The following SKA1 variants were observed in gnomAD, a reference collection of about 807,000 sequenced individuals.
The protein encoded by SKA1 is spindle and kinetochore associated complex subunit 1, also known as SKA complex subunit 1.
In SKA1, 20 loss-of-function variants were observed where a neutral mutation model predicts 31.8. The observed-to-expected ratio is 0.63, with a 90% CI of 0.44 to 0.91. The LOEUF (loss-of-function observed/expected upper bound fraction) is 0.91, where lower values mean the gene tolerates loss of function less well. SKA1 is among the 40% of genes least tolerant of loss of function. The pLI is 0.00. For missense variants in SKA1, 253 were observed against 298.2 expected (o/e 0.85, Z 1.12); for synonymous variants, 88 against 100.5 (o/e 0.88, Z 0.74).
At chr18:50,385,146 T>G in intron 4 of SKA1, 70 bp from the exon 5 acceptor site, 2 of 1,275,906 alleles carry the variant, frequency 1.6e-6, no homozygotes, top group Non-Finnish European at 2.1e-6. Context: ...TTATTTTCAG[T>G]TGGGAAAACT....
intron 5 of SKA1, among the ~76,000 whole-genome samples, chr18:50,390,216 G>GT (rs1174245628): frequency 6.6e-6 from 1 of 151,892 alleles, no homozygotes. Flanking sequence ...GAAAATGAGT[G>GT]TTTTTTTGGA....
chr18:50,382,280 A>T, intron 4 of SKA1, 54 bp downstream of exon 4: 2 of 1,092,656 alleles, frequency 1.8e-6, no homozygotes, highest in South Asian at 3.6e-5. Flanking sequence ...CCATGAAAAC[A>T]AGTTCTTCAA....
intron 6 of SKA1, 85 bp downstream of exon 6, chr18:50,391,378 TC>T: frequency 8.0e-7 from 1 of 1,247,734 alleles, no homozygotes; most frequent in African/African-American, 1.6e-5. Flanking sequence ...TCTAGAAAAT[TC>T]TAAATCTAGA....
At chr18:50,391,997 C>A (rs1208995786) in intron 6 of SKA1, 102 bp from the exon 7 acceptor site, 1 of 809,586 alleles carries the variant, frequency 1.2e-6, no homozygotes, top group East Asian at 2.8e-5. Context: ...TGGATACTAA[C>A]AGTAAAAACG....
chr18:50,380,915 C>T (rs1270439107), intron 3 of SKA1, among the ~76,000 whole-genome samples: 1 of 152,200 alleles, frequency 6.6e-6, no homozygotes, highest in Non-Finnish European at 1.5e-5. Context: ...AACAAGGGAC[C>T]TCCCTGACCC....
chr18:50,378,836 C>G (rs9951306), intron 2 of SKA1, among the ~76,000 whole-genome samples: 109,821 of 152,088 alleles, frequency 0.72, 39,785 homozygotes, highest in East Asian at 0.81. Context: ...ATTAGTTTTA[C>G]TTGTTATGAG....
At chr18:50,384,871 T>TAAAAAAAAAAAAAAAAAAAGAAAAAAA (rs2041292849) in intron 4 of SKA1, among the ~76,000 whole-genome samples, 1 of 82,600 alleles carries the variant, frequency 1.2e-5, no homozygotes, top group African/African-American at 5.5e-5. Flanking sequence ...AAAAAAAAAT[T>TAAAAAAAAAAAAAAAAAAAGAAAAAAA]AAAAAAAAAA....
intron 5 of SKA1, among the ~76,000 whole-genome samples, chr18:50,385,719 C>T (rs906627808): frequency 2.7e-4 from 41 of 152,108 alleles, no homozygotes; most frequent in African/African-American, 9.9e-4. Context: ...TCCGTTTGTG[C>T]ATTGCACCCC....
intron 5 of SKA1, among the ~76,000 whole-genome samples, chr18:50,390,891 C>A (rs1186310441): frequency 2.0e-5 from 3 of 152,180 alleles, no homozygotes; most frequent in Non-Finnish European, 2.9e-5. Context: ...AATATCAGTT[C>A]TCCATAGGTA....
In SKA1 at chr18:50,393,842, A is replaced by G. The variant is rs1032876677; in HGVS notation, c.*1595A>G. ...TTGATGGGCACCTGGATAACTCAGG[A>G]TGGGGGCTGCTCACAAAGACCACAT... On this transcript the variant is annotated 3_prime_UTR_variant, in exon 7 of 7. Coordinates refer to ENST00000285116, the MANE Select transcript of SKA1 (RefSeq NM_145060.4). 6.6e-6 allele frequency: 1 copy of G among 152,180 alleles called. No individual in the cohort carries two copies. The highest frequency in any genetic ancestry group is 1.5e-5 in the Non-Finnish European group (1 of 68,034). The allele number at this position is 152,180 out of a possible 1,614,324, so 9.4% of individuals were successfully genotyped here. A position where few individuals can be genotyped will look rare whatever the true frequency, so the allele number is the denominator to read the frequency against.
intron 5 of SKA1, among the ~76,000 whole-genome samples, chr18:50,390,197 A>G (rs1158135334): frequency 1.3e-5 from 2 of 152,164 alleles, no homozygotes. Flanking sequence ...TAGAAAAGAG[A>G]GGAATAATGA....
At chr18:50,390,133 T>A (rs1346249337) in intron 5 of SKA1, among the ~76,000 whole-genome samples, 1 of 152,042 alleles carries the variant, frequency 6.6e-6, no homozygotes, top group African/African-American at 2.4e-5. Context: ...AGAGCTGGGG[T>A]ATAAGAGTTT....
At chr18:50,378,864 G>T (rs1457627398) in intron 2 of SKA1, among the ~76,000 whole-genome samples, 1 of 147,050 alleles carries the variant, frequency 6.8e-6, no homozygotes, top group Non-Finnish European at 1.5e-5. Context: ...TCAAATGCAA[G>T]TAGTGTTGCT....
intron 2 of SKA1, among the ~76,000 whole-genome samples, chr18:50,378,897 C>T (rs2041242311): frequency 6.6e-6 from 1 of 151,734 alleles, no homozygotes; most frequent in South Asian, 2.1e-4. Context: ...ATGATATACT[C>T]ATGATGATGA....
chr18:50,384,871 T>TTA (rs2041291752), intron 4 of SKA1, among the ~76,000 whole-genome samples: 5 of 82,600 alleles, frequency 6.1e-5, no homozygotes, highest in Non-Finnish European at 1.1e-4. Context: ...AAAAAAAAAT[T>TTA]AAAAAAAAAA....
chr18:50,375,906 T>C lies in SKA1; in HGVS notation c.76T>C (p.Leu26=). 6.3e-7 allele frequency: 1 copy of C among 1,594,798 alleles called. No homozygotes were observed. Among genetic ancestry groups the C allele is most frequent in the South Asian group, 1.1e-5 (1 of 89,420 alleles). ...TGGCAATATTAAGAAAACCTTATCA[T>C]TAAGAAACTGTGGTAAGTAAAACAG... The part of the protein sequence containing the change: ...KIGNIKKTLS[L]RNCGQEPTLK... Residue 26 remains leucine, a synonymous_variant, in exon 2 of 7, where the codon TTA becomes CTA. Transcript: ENST00000285116.
At chr18:50,387,930 G>A (rs2149322508) in intron 5 of SKA1, among the ~76,000 whole-genome samples, 1 of 152,320 alleles carries the variant, frequency 6.6e-6, no homozygotes, top group South Asian at 2.1e-4. Context: ...GTTAAAAGCT[G>A]GACAAGATGT....
chr18:50,377,403 T>C lies in SKA1; in HGVS notation c.88+1485T>C, dbSNP rs1159791978. 2.6e-5 allele frequency among the ~76,000 whole-genome samples: 4 copies of C among 152,208 alleles called. No individual in the cohort carries two copies. The South Asian group carries it at 6.2e-4, about 24-fold the overall frequency. On this transcript the variant is annotated intron_variant, in intron 2 of 6. Coordinates refer to ENST00000285116, the MANE Select transcript of SKA1 (RefSeq NM_145060.4). Reference sequence around the variant, plus strand: ...TTAAAAAAACTGATGTAGAGCTCCATAGGGGTAAAAGTAGTTCATAACCCA... The same window carrying C: ...TTAAAAAAACTGATGTAGAGCTCCACAGGGGTAAAAGTAGTTCATAACCCA...
Position 50,385,311 on chromosome 18 carries a change from A to G in SKA1, c.407A>G (p.Glu136Gly). The G allele has an allele frequency of 2.5e-6, 4 of 1,613,536 alleles. No homozygotes were observed. In the South Asian group the frequency reaches 3.3e-5, roughly 13 times the overall value. ...CCCAAAGAGCAAAGAAGTATTAAGG[A>G]AATGCCATTTATAACTTGTGATGAG... ...KPPKEQRSIK[E>G]MPFITCDEFN... The change falls in exon 5 of 7, where the codon GAA (glutamate) becomes GGA (glycine). Residue 136 changes from glutamate to glycine, a missense_variant. Glu to Gly is a moderately conservative substitution (Grantham distance 98, BLOSUM62 -2). Transcript: ENST00000285116.
Sources: allele counts gnomAD v4.1 joint callset (sites outside exome capture counted in the v4.1 genomes callset), GRCh38; gene constraint gnomAD v4.1.1; transcripts MANE v1.5; gene names NCBI Gene and HGNC (gene_info 2026-07-23, HGNC 2026-07-21).